MYO10: variants seen among roughly 807,000 people sequenced by gnomAD.
MYO10 encodes the protein myosin X, also known as unconventional myosin-X.
Under a neutral mutation model 257.3 loss-of-function variants are expected in MYO10, and 133 were observed. That is an observed-to-expected ratio of 0.52 (90% CI 0.45 to 0.60). The LOEUF (loss-of-function observed/expected upper bound fraction) is 0.60, where lower values mean the gene tolerates loss of function less well. Ranked by LOEUF, MYO10 falls within the 20% of genes least tolerant of loss-of-function variation. The pLI, the probability that MYO10 is intolerant of heterozygous loss-of-function variation, is 0.00. For synonymous variants in MYO10, 1,104 were observed against 1,028.6 expected (o/e 1.07, Z -1.40); for missense variants, 2,399 against 2,635.7 (o/e 0.91, Z 1.97).
intron 21 of MYO10, among the ~76,000 whole-genome samples, chr5:16,706,524 C>G (rs1470335505): frequency 6.6e-6 from 1 of 152,070 alleles, no homozygotes. Context: ...TGCTTTTGCT[C>G]TTATGAGTGC....
At chr5:16,690,057 A>G (rs1195829571) in intron 27 of MYO10, 138 bp from the exon 28 acceptor site, 1 of 653,726 alleles carries the variant, frequency 1.5e-6, no homozygotes, top group Admixed American at 2.3e-5. Flanking sequence ...GGCTCTCCAT[A>G]TCTGCGAGTT....
intron 1 of MYO10, among the ~76,000 whole-genome samples, chr5:16,893,003 G>A (rs1166166554): frequency 6.6e-6 from 1 of 151,890 alleles, no homozygotes; most frequent in Non-Finnish European, 1.5e-5. Context: ...AGACCATCCT[G>A]GCTAACACGG....
In MYO10 at chr5:16,854,457, C is replaced by T. The variant is rs150435440; in HGVS notation, c.120+23152G>A. Among the ~76,000 whole-genome samples the T allele has an allele frequency of 1.9e-4, 29 of 152,240 alleles. No individual in the cohort carries two copies. The East Asian group carries it at 5.0e-3, about 26-fold the overall frequency. On this transcript the variant is annotated intron_variant, in intron 2 of 40. Coordinates refer to ENST00000513610, the MANE Select transcript of MYO10 (RefSeq NM_012334.3). ...GAAAGAAGCCAGACACAAAGGACCA[C>T]GTATTGTTTGATTCCATTTGTAAGA...
chr5:16,815,124 T>G, intron 3 of MYO10: 1 of 225,742 alleles, frequency 4.4e-6, no homozygotes, highest in South Asian at 1.1e-4. Flanking sequence ...AGCTCAGGAG[T>G]TTGAGTCTAG....
intron 40 of MYO10, 59 bp downstream of exon 40, chr5:16,668,218 C>T (rs769625256): frequency 6.7e-7 from 1 of 1,500,646 alleles, no homozygotes; most frequent in Non-Finnish European, 9.0e-7. Flanking sequence ...GAAATGGGGT[C>T]CTGTTTTTCT....
In MYO10 at chr5:16,676,163, A is replaced by AAAGC. The variant is rs773976762; in HGVS notation, c.4543-13_4543-10dup. The AAAGC allele has an allele frequency of 6.2e-7, 1 of 1,610,932 alleles. No individual in the cohort carries two copies. Among genetic ancestry groups the AAAGC allele is most frequent in the Non-Finnish European group, 8.5e-7 (1 of 1,179,170 alleles). On this transcript the variant is annotated splice_polypyrimidine_tract_variant and intron_variant, in intron 33 of 40. Transcript: ENST00000513610. ...GAGTTCAGGCAGTTCTCCTAAAAATAAAGCAAGCAAGCTTATTGTAAGAAA... is the reference window on the plus strand; with the variant it reads ...GAGTTCAGGCAGTTCTCCTAAAAATAAAGCAAGCAAGCAAGCTTATTGTAAGAAA...
chr5:16,843,801 G>C (rs1234524270), intron 2 of MYO10, among the ~76,000 whole-genome samples: 2 of 152,138 alleles, frequency 1.3e-5, no homozygotes, highest in Non-Finnish European at 2.9e-5. Context: ...ACAGGAAATG[G>C]AAAAATATCC....
chr5:16,697,889 C>T (rs1737833744), intron 26 of MYO10, among the ~76,000 whole-genome samples: 1 of 152,254 alleles, frequency 6.6e-6, no homozygotes, highest in East Asian at 1.9e-4. Context: ...TCCACCTTCT[C>T]GACTCTCTCC....
intron 38 of MYO10, 76 bp from the exon 39 acceptor site, chr5:16,671,054 A>C: frequency 7.6e-7 from 1 of 1,313,054 alleles, no homozygotes; most frequent in Non-Finnish European, 1.0e-6. Flanking sequence ...TTGCTCCCTC[A>C]CTTCATGAGG....
At chr5:16,690,429 G>A (rs896714455) in intron 27 of MYO10, among the ~76,000 whole-genome samples, 12 of 152,152 alleles carry the variant, frequency 7.9e-5, no homozygotes, top group Non-Finnish European at 1.5e-4. Context: ...CCTCTAGGGG[G>A]AGCCAGTCTC....
chr5:16,761,423 AT>A (rs1740709443), intron 17 of MYO10, 40 bp downstream of exon 17: 1 of 1,461,844 alleles, frequency 6.8e-7, no homozygotes, highest in African/African-American at 1.4e-5. Context: ...ACAAATATTC[AT>A]TTGCTTGCTA....
Position 16,857,924 on chromosome 5 carries a change from G to T in MYO10, c.120+19685C>A, listed in dbSNP as rs77615917. ...TGTGTAACCAGAACTGGGAACCCTGGAAGATCCCCTGAAGCACTAAATATC... is the reference window on the plus strand; with the variant it reads ...TGTGTAACCAGAACTGGGAACCCTGTAAGATCCCCTGAAGCACTAAATATC... On this transcript the variant is annotated intron_variant, in intron 2 of 40. Transcript: ENST00000513610. 2.7e-3 allele frequency among the ~76,000 whole-genome samples: 404 copies of T among 152,264 alleles called. 3 individuals are homozygous for T. The highest frequency in any genetic ancestry group is 9.2e-3 in the African/African-American group (382 of 41,542).
intron 1 of MYO10, among the ~76,000 whole-genome samples, chr5:16,935,464 G>T (rs1035887646): frequency 3.3e-5 from 5 of 152,210 alleles, no homozygotes; most frequent in African/African-American, 9.6e-5. Context: ...TCGAGCGGGC[G>T]GATCGCCCCG....
intron 6 of MYO10, among the ~76,000 whole-genome samples, chr5:16,781,110 C>T (rs1189041207): frequency 4.0e-5 from 6 of 149,424 alleles, no homozygotes; most frequent in East Asian, 1.9e-4. Context: ...CACAGTGTCT[C>T]GCTCTCTCGC....
intron 28 of MYO10, 27 bp downstream of exon 28, chr5:16,689,797 A>G (rs1737411416): frequency 1.3e-6 from 2 of 1,553,416 alleles, no homozygotes; most frequent in South Asian, 2.2e-5. Context: ...GGATGTGGGT[A>G]ACACAAAGTC....
At chr5:16,710,339 T>C (rs1191932927) in intron 21 of MYO10, among the ~76,000 whole-genome samples, 1 of 152,180 alleles carries the variant, frequency 6.6e-6, no homozygotes, top group African/African-American at 2.4e-5. Flanking sequence ...ATTTTTTATG[T>C]TCAGGCCCGA....
rs538230106 is a variant in MYO10, at chr5:16,935,695, G to C, written c.21+93C>G. The C allele has an allele frequency of 2.7e-6, 4 of 1,507,614 alleles. No homozygotes were observed. The East Asian group carries it at 9.1e-5, about 34-fold the overall frequency. The allele number at this position is 1,507,614 out of a possible 1,614,324, so 93.4% of individuals were successfully genotyped here. On this transcript the variant is annotated intron_variant, in intron 1 of 40. Transcript: ENST00000513610. ...CTCCCAGAAAGTTGCGCCTTCCAGG[G>C]CTTAGGAAAAAGTACCCAGGGCGCG...
chr5:16,707,995 A>G (rs532169072), intron 21 of MYO10, among the ~76,000 whole-genome samples: 1 of 152,340 alleles, frequency 6.6e-6, no homozygotes, highest in South Asian at 2.1e-4. Flanking sequence ...TTGAGGCTTT[A>G]AACAGAAAGA....
chr5:16,718,192 A>G (rs1431748316), intron 19 of MYO10, among the ~76,000 whole-genome samples: 4 of 152,158 alleles, frequency 2.6e-5, no homozygotes, highest in Non-Finnish European at 4.4e-5. Context: ...CTTCCCGTGG[A>G]GCAAGGCTCG....
Sources: allele counts gnomAD v4.1 joint callset (sites outside exome capture counted in the v4.1 genomes callset), GRCh38; gene constraint gnomAD v4.1.1; transcripts MANE v1.5; gene names NCBI Gene and HGNC (gene_info 2026-07-23, HGNC 2026-07-21).